PUS7: variants seen among roughly 807,000 people sequenced by gnomAD.
PUS7 encodes pseudouridine synthase 7.
A neutral mutation model predicts 79.8 loss-of-function variants in PUS7; 48 were observed. The observed-to-expected ratio is 0.60, with a 90% CI of 0.48 to 0.76. PUS7 has a LOEUF of 0.76. Ranked by LOEUF, PUS7 falls within the 30% of genes least tolerant of loss-of-function variation. The probability of loss-of-function intolerance (pLI) is 0.00; values close to 1 mark genes in which losing one functional copy is unlikely to be tolerated. For missense variants in PUS7, 729 were observed against 797.6 expected, an observed-to-expected ratio of 0.91 and a Z score of 1.04; for synonymous variants, 286 against 272.2, an observed-to-expected ratio of 1.05 and a Z score of -0.50.
chr7:105,501,737 C>T (rs1214557332), intron 5 of PUS7, among the ~76,000 whole-genome samples: 4 of 151,948 alleles, frequency 2.6e-5, no homozygotes, highest in Admixed American at 6.5e-5. Flanking sequence ...GGGTGGATCA[C>T]GAGGTCAGGA....
intron 9 of PUS7, among the ~76,000 whole-genome samples, chr7:105,478,104 C>G (rs183186608): frequency 2.0e-5 from 3 of 152,196 alleles, no homozygotes; most frequent in Non-Finnish European, 4.4e-5. Flanking sequence ...CCCCTGTGCC[C>G]TGCCTACTTA....
chr7:105,508,696 A>G (rs766948853), intron 1 of PUS7, among the ~76,000 whole-genome samples, 152 bp from the exon 2 acceptor site: 49 of 151,468 alleles, frequency 3.2e-4, no homozygotes, highest in African/African-American at 4.6e-4. Context: ...CCTGGCCAAC[A>G]TGGTGAAACC....
chr7:105,496,196 CATATATAT>C (rs1159713098), intron 5 of PUS7, among the ~76,000 whole-genome samples: 1,845 of 81,422 alleles, frequency 0.023, 60 homozygotes, highest in African/African-American at 0.081. Context: ...CACACACACA[CATATATAT>C]ATATATATAT....
chr7:105,461,514 C>T (rs761162042), intron 14 of PUS7, among the ~76,000 whole-genome samples: 3 of 152,096 alleles, frequency 2.0e-5, no homozygotes, highest in Non-Finnish European at 2.9e-5. Flanking sequence ...ACACTGTGCC[C>T]GGCTTAGCTT....
intron 1 of PUS7, among the ~76,000 whole-genome samples, chr7:105,520,899 T>C (rs1447730331): frequency 6.6e-6 from 1 of 151,986 alleles, no homozygotes; most frequent in Non-Finnish European, 1.5e-5. Flanking sequence ...TCCCAGCTAC[T>C]TGGGAGGCTG....
At position 105,517,318 on chromosome 7, in the gene PUS7, G is replaced by T. The variant is rs533454177; in HGVS notation, c.-33+4734C>A. 5.3e-5 allele frequency among the ~76,000 whole-genome samples: 8 copies of T among 152,060 alleles called. No homozygotes were observed. In the East Asian group the frequency reaches 1.2e-3, roughly 22 times the overall value. On this transcript the variant is annotated intron_variant, in intron 1 of 15. Coordinates refer to ENST00000469408, the MANE Select transcript of PUS7 (RefSeq NM_019042.5). ...AGTACATACAGGCATGCGCCAACAC[G>T]CCTGGCTAATTTTTGTATTTTTAGT...
intron 14 of PUS7, among the ~76,000 whole-genome samples, chr7:105,460,228 G>A (rs990519547): frequency 2.0e-5 from 3 of 152,116 alleles, no homozygotes; most frequent in Admixed American, 6.5e-5. Flanking sequence ...GTGAGCCACC[G>A]TGCCCAGCCG....
chr7:105,516,600 C>T lies in PUS7; in HGVS notation c.-33+5452G>A, dbSNP rs184707478. Among the ~76,000 whole-genome samples the T allele has an allele frequency of 2.6e-4, 39 of 152,080 alleles. 1 individual carries two copies. In the East Asian group the frequency reaches 7.0e-3, roughly 27 times the overall value. ...TCCTGAGTAGCTGGAATTACAGACG[C>T]CCGCTACCACGCCCAGCTAATTTTT... On this transcript the variant is annotated intron_variant, in intron 1 of 15. Coordinates refer to ENST00000469408, the MANE Select transcript of PUS7 (RefSeq NM_019042.5).
At chr7:105,482,280 T>A (rs1473387210) in intron 8 of PUS7, 32 bp downstream of exon 8, 1 of 1,605,342 alleles carries the variant, frequency 6.2e-7, no homozygotes, top group Non-Finnish European at 8.5e-7. Context: ...GGCCAGACCC[T>A]CTGGTCTACA....
At chr7:105,497,058 T>C in intron 5 of PUS7, 1 of 1,027,104 alleles carries the variant, frequency 9.7e-7, no homozygotes, top group Non-Finnish European at 1.2e-6. Flanking sequence ...ATGCAAATGA[T>C]CGCATGGTTA....
chr7:105,467,034 G>GTTTTTTTTTTTTTTTTT (rs56177512), intron 12 of PUS7, among the ~76,000 whole-genome samples: 3 of 70,698 alleles, frequency 4.2e-5, no homozygotes, highest in African/African-American at 1.4e-4. Flanking sequence ...AGTTTTTTCT[G>GTTTTTTTTTTTTTTTTT]TTTTTTTTTT....
intron 11 of PUS7, among the ~76,000 whole-genome samples, chr7:105,470,018 T>G (rs779883251): frequency 6.6e-6 from 1 of 152,222 alleles, no homozygotes; most frequent in Non-Finnish European, 1.5e-5. Flanking sequence ...GTCTTCAAAC[T>G]TAAGGAATTT....
Position 105,491,507 on chromosome 7 carries a change from C to A in PUS7, c.920+33G>T, listed in dbSNP as rs1321775184. ...CTGAAAAGCAGTGCCAGGATATTTA[C>A]AGTATAAATCCTGTTACGTGCTCTC... is the stretch of plus-strand genomic sequence containing the variant. On this transcript the variant is annotated intron_variant, in intron 7 of 15. Coordinates refer to ENST00000469408, the MANE Select transcript of PUS7 (RefSeq NM_019042.5). 8.0e-6 allele frequency: 11 copies of A among 1,367,166 alleles called. No individual in the cohort carries two copies. The Admixed American group carries it at 2.3e-4, about 28-fold the overall frequency. The allele number at this position is 1,367,166 out of a possible 1,614,324, so 84.7% of individuals were successfully genotyped here. A position where few individuals can be genotyped will look rare whatever the true frequency, so the allele number is the denominator to read the frequency against.
intron 8 of PUS7, 133 bp downstream of exon 8, chr7:105,482,179 C>T (rs1286939600): frequency 5.0e-5 from 54 of 1,073,210 alleles, no homozygotes; most frequent in African/African-American, 6.3e-5. Flanking sequence ...CCAGGCCCTG[C>T]TCTGCCCTCC....
intron 12 of PUS7, among the ~76,000 whole-genome samples, chr7:105,467,390 C>G (rs143291171): frequency 0.048 from 7,320 of 151,330 alleles, 606 homozygotes; most frequent in African/African-American, 0.17. Flanking sequence ...CCCGGGTTCA[C>G]GCCATTCTCC....
rs1221481070 is a variant in PUS7, at chr7:105,462,636, G to A, written c.1742C>T (p.Pro581Leu). Residue 581 changes from proline (P) to leucine (L), a missense_variant, in exon 14 of 16, where the codon CCT becomes CTT. By Grantham distance (98) the Pro-to-Leu change is moderately conservative. Transcript: ENST00000469408. Reference protein sequence around the residue: ...SGAYRKIIIRPQNVSWEVVAY... With the variant: ...SGAYRKIIIRLQNVSWEVVAY... ...GATTACTCACCAGCTAACATTCTGAGGACGAATAATGATCTTTCGGTAGGC... is the reference window on the plus strand; with the variant it reads ...GATTACTCACCAGCTAACATTCTGAAGACGAATAATGATCTTTCGGTAGGC... The A allele has an allele frequency of 6.2e-7, 1 of 1,613,708 alleles. No homozygotes were observed. Among genetic ancestry groups the A allele is most frequent in the South Asian group, 1.1e-5 (1 of 91,040 alleles).
rs566308680 is a variant in PUS7 at position 105,517,661 on chromosome 7, G to A, written c.-33+4391C>T. 1.2e-4 allele frequency among the ~76,000 whole-genome samples: 18 copies of A among 152,186 alleles called. No homozygotes were observed. In the Middle Eastern group the frequency reaches 0.01, roughly 86 times the overall value. On this transcript the variant is annotated intron_variant, in intron 1 of 15. Transcript: ENST00000469408. The stretch of plus-strand genomic sequence containing the variant: ...TGTGCATGTAGTCCCAGCTAACAGG[G>A]CGGCTGAGGCAGGAGGATTGTGTGA...
At chr7:105,479,529 G>A (rs1181923954) in intron 9 of PUS7, among the ~76,000 whole-genome samples, 1 of 152,192 alleles carries the variant, frequency 6.6e-6, no homozygotes, top group Non-Finnish European at 1.5e-5. Flanking sequence ...ATTAGTTTAT[G>A]TAACAGAGTC....
At chr7:105,484,412 C>T (rs1824456234) in intron 7 of PUS7, among the ~76,000 whole-genome samples, 1 of 151,616 alleles carries the variant, frequency 6.6e-6, no homozygotes, top group African/African-American at 2.4e-5. Context: ...CCCAGGAGTT[C>T]AAGACCAGCC....
Sources: gnomAD v4.1 joint callset for allele counts (sites outside exome capture counted in the v4.1 genomes callset) on GRCh38, gnomAD v4.1.1 for gene constraint, MANE v1.5 for transcripts, NCBI Gene and HGNC (gene_info 2026-07-23, HGNC 2026-07-21) for gene names.